The following TUG1 variants were observed in gnomAD, a reference collection of about 807,000 sequenced individuals.
TUG1 encodes the protein taurine up-regulated 1.
At chr22:30,974,383 A>G (rs992161615) in intron 2 of TUG1, 9 of 151,330 alleles carry the variant, frequency 5.9e-5, no homozygotes, top group Admixed American at 1.3e-4. Context: ...AAAGAGTTCC[A>G]TTTTGCTGTT....
chr22:30,969,669 G>A (rs2041201745), exon 1 of TUG1: 1 of 152,648 alleles, frequency 6.6e-6, no homozygotes, highest in Admixed American at 6.5e-5. Context: ...ATTTGGAGCG[G>A]CCGGGGAGGC....
At chr22:30,975,343 C>CTTAG (rs2041276211) in exon 3 of TUG1, 1 of 152,280 alleles carries the variant, frequency 6.6e-6, no homozygotes, top group East Asian at 1.9e-4. Context: ...CCTTTACCAC[C>CTTAG]GTGGTGACAC....
intron 2 of TUG1, chr22:30,974,111 T>C (rs1442796972): frequency 1.3e-5 from 2 of 152,202 alleles, no homozygotes; most frequent in African/African-American, 2.4e-5. Context: ...AGCTTGTCTA[T>C]GGTCCTATCT....
exon 3 of TUG1, chr22:30,976,524 C>T (rs906123180): frequency 2.6e-5 from 4 of 152,166 alleles, no homozygotes; most frequent in African/African-American, 9.7e-5. Flanking sequence ...TTAGTGGAAC[C>T]ACATCAGTCT....
intron 2 of TUG1, chr22:30,973,907 A>T (rs1486643466): frequency 6.6e-6 from 1 of 152,130 alleles, no homozygotes; most frequent in Non-Finnish European, 1.5e-5. Context: ...GTCACATAGG[A>T]TGTGTGATCA....
chr22:30,974,243 A>G (rs2041262499), intron 2 of TUG1: 1 of 152,006 alleles, frequency 6.6e-6, no homozygotes, highest in Non-Finnish European at 1.5e-5. Context: ...AAAGTATGTA[A>G]GACATGGCCC....
chr22:30,969,945 TTGTC>T (rs771695252), exon 1 of TUG1: 3 of 152,336 alleles, frequency 2.0e-5, no homozygotes, highest in Non-Finnish European at 4.4e-5. Flanking sequence ...ACTCTGTAAT[TTGTC>T]TGCGCCTCAG....
exon 1 of TUG1, chr22:30,970,641 C>T (rs996796340): frequency 6.6e-6 from 1 of 152,138 alleles, no homozygotes; most frequent in African/African-American, 2.4e-5. Flanking sequence ...GACCATATTC[C>T]ACGACCATGG....
exon 3 of TUG1, chr22:30,979,161 A>G (rs868775638): frequency 6.6e-6 from 1 of 152,140 alleles, no homozygotes. Context: ...GTGTATGGAA[A>G]AATGGCCATG....
chr22:30,973,426 A>G (rs1326543499), exon 2 of TUG1: 3 of 152,210 alleles, frequency 2.0e-5, no homozygotes, highest in Non-Finnish European at 2.9e-5. Flanking sequence ...TTGGGATCAA[A>G]TCAAAGGCAC....
chr22:30,977,770 A>G (rs2041305929), exon 3 of TUG1: 2 of 152,164 alleles, frequency 1.3e-5, no homozygotes, highest in Admixed American at 6.6e-5. Flanking sequence ...ATTTCAGTCT[A>G]TCTTGTGCCC....
At chr22:30,977,909 A>G (rs2041307560) in exon 3 of TUG1, 1 of 152,202 alleles carries the variant, frequency 6.6e-6, no homozygotes, top group African/African-American at 2.4e-5. Context: ...TTAAGTGCAG[A>G]GTAGGCCTCT....
chr22:30,969,277 C>G (rs1053815614), exon 1 of TUG1: 2 of 152,582 alleles, frequency 1.3e-5, no homozygotes, highest in South Asian at 2.1e-4. Flanking sequence ...GCGACGCAGC[C>G]GGGACGGTAG....
exon 1 of TUG1, chr22:30,970,730 C>G (rs1347575716): frequency 6.6e-6 from 1 of 152,194 alleles, no homozygotes; most frequent in Non-Finnish European, 1.5e-5. Flanking sequence ...TTACATGGTG[C>G]TGCCAGCCCA....
chr22:30,974,288 A>G (rs1475813687), intron 2 of TUG1: 1 of 151,590 alleles, frequency 6.6e-6, no homozygotes, highest in Non-Finnish European at 1.5e-5. Context: ...AGTGTATTAA[A>G]GGATCTCAGG....
At chr22:30,978,071 C>T (rs1232348107) in exon 3 of TUG1, 1 of 152,172 alleles carries the variant, frequency 6.6e-6, no homozygotes, top group Non-Finnish European at 1.5e-5. Flanking sequence ...TGTACCAGTT[C>T]AACCTAGCAA....
intron 2 of TUG1, chr22:30,974,090 T>G (rs915127258): frequency 1.3e-5 from 2 of 152,194 alleles, no homozygotes; most frequent in African/African-American, 2.4e-5. Flanking sequence ...CTGATATTCC[T>G]GGGCCCTAAG....
At chr22:30,977,836 T>G in exon 3 of TUG1, 1 of 152,200 alleles carries the variant, frequency 6.6e-6, no homozygotes, top group East Asian at 1.9e-4. Flanking sequence ...TAGGACTCAA[T>G]GTTCACAACA....
exon 3 of TUG1, chr22:30,977,187 A>C (rs963172862): frequency 6.6e-6 from 1 of 152,194 alleles, no homozygotes; most frequent in African/African-American, 2.4e-5. Context: ...CAAAAAACCT[A>C]AAACTTAAAT....
Sources: allele counts gnomAD v4.1 joint callset, GRCh38; gene constraint gnomAD v4.1.1; transcripts MANE v1.5; gene names NCBI Gene and HGNC (gene_info 2026-07-23, HGNC 2026-07-21).